CDKL3: variants seen among roughly 807,000 people sequenced by gnomAD.
CDKL3 encodes cyclin dependent kinase like 3.
A neutral mutation model predicts 69.3 loss-of-function variants in CDKL3; 65 were observed. The observed-to-expected ratio is 0.94, with a 90% CI of 0.77 to 1.15. The LOEUF (loss-of-function observed/expected upper bound fraction) is 1.15. Ranked by LOEUF, CDKL3 falls within the 50% of genes most tolerant of loss-of-function variation. CDKL3 has a pLI of 0.00. For synonymous variants in CDKL3, 202 were observed against 221.6 expected, an observed-to-expected ratio of 0.91 and a Z score of 0.79; for missense variants, 652 against 689.2, an observed-to-expected ratio of 0.95 and a Z score of 0.61.
intron 7 of CDKL3, among the ~76,000 whole-genome samples, chr5:134,310,364 G>T (rs1044198026): frequency 3.3e-5 from 5 of 151,680 alleles, no homozygotes; most frequent in Admixed American, 2.6e-4. Context: ...TTTGTTTTTT[G>T]TATTTTTAGT....
intron 3 of CDKL3, among the ~76,000 whole-genome samples, chr5:134,357,574 G>A (rs1290933455): frequency 6.6e-6 from 1 of 152,148 alleles, no homozygotes; most frequent in South Asian, 2.1e-4. Context: ...GGAAGTTGCA[G>A]TGAGCCGAGA....
chr5:134,326,552 T>TA (rs919135946), intron 4 of CDKL3, among the ~76,000 whole-genome samples: 10 of 151,436 alleles, frequency 6.6e-5, no homozygotes, highest in African/African-American at 1.2e-4. Context: ...AAGGAAGGAT[T>TA]AAAAAAAACA....
chr5:134,325,194 G>T (rs553608794), intron 4 of CDKL3, among the ~76,000 whole-genome samples: 1 of 152,232 alleles, frequency 6.6e-6, no homozygotes, highest in South Asian at 2.1e-4. Flanking sequence ...AAATAAAGAA[G>T]AGTGGGGAGG....
Position 134,359,973 on chromosome 5 carries a change from T to C in CDKL3, c.284A>G (p.His95Arg), listed in dbSNP as rs757513758. 6.3e-7 allele frequency: 1 copy of C among 1,578,752 alleles called. No individual in the cohort carries two copies. The highest frequency in any genetic ancestry group is 8.6e-7 in the Non-Finnish European group (1 of 1,160,524). Residue 95 changes from histidine (H) to arginine (R), a missense_variant, in exon 3 of 13, where the codon CAT becomes CGT. Physicochemically the swap from His to Arg is conservative, Grantham distance 29. Coordinates refer to ENST00000265334, the MANE Select transcript of CDKL3 (RefSeq NM_001113575.2). ...TVLDELQHYC[H>R]GLESKRLRKY... is the part of the protein sequence containing the mutation. Reference sequence around the variant, plus strand: ...TCTAAGTCGCTTACTCTCTAGTCCATGACAATAATGTTGTAACTCATCTAA... The same window carrying C: ...TCTAAGTCGCTTACTCTCTAGTCCACGACAATAATGTTGTAACTCATCTAA...
At chr5:134,289,781 T>C (rs1256431458) in intron 8 of CDKL3, among the ~76,000 whole-genome samples, 2 of 152,104 alleles carry the variant, frequency 1.3e-5, no homozygotes, top group Non-Finnish European at 2.9e-5. Flanking sequence ...CCTCACTCTC[T>C]TGAGCAAGAG....
intron 8 of CDKL3, among the ~76,000 whole-genome samples, chr5:134,287,704 G>T (rs2149403037): frequency 6.6e-6 from 1 of 152,234 alleles, no homozygotes; most frequent in South Asian, 2.1e-4. Context: ...AGCCAATGTA[G>T]TCCCTCACTT....
At chr5:134,294,597 A>T (rs1765267420), downstream of CDKL3, among the ~76,000 whole-genome samples, 3 of 152,120 alleles carry the variant, frequency 2.0e-5, no homozygotes, top group South Asian at 6.2e-4. Flanking sequence ...CTATATAGGA[A>T]GGCATCCTAT....
At chr5:134,344,407 T>A (rs910902358) in intron 4 of CDKL3, among the ~76,000 whole-genome samples, 5 of 152,286 alleles carry the variant, frequency 3.3e-5, no homozygotes, top group Middle Eastern at 3.4e-3. Flanking sequence ...GATAAGGAAT[T>A]TGTATCTAGG....
In CDKL3 at chr5:134,321,916, A is replaced by AG. The variant is rs1220098261; in HGVS notation, c.540-14dup. 2.9e-6 allele frequency: 4 copies of AG among 1,387,692 alleles called. No homozygotes were observed. The highest frequency in any genetic ancestry group is 1.4e-5 in the African/African-American group (1 of 69,470). The allele number at this position is 1,387,692 out of a possible 1,614,324, so 86.0% of individuals were successfully genotyped here. A position where few individuals can be genotyped will look rare whatever the true frequency, so the allele number is the denominator to read the frequency against. On this transcript the variant is annotated splice_polypyrimidine_tract_variant and intron_variant, in intron 4 of 12. Transcript: ENST00000265334. ...GATATCCACAGGTCTGAAACAGATC[A>AG]GGGAAAAAAAAATCACTTTTTCATG... is the stretch of plus-strand genomic sequence containing the variant.
At chr5:134,317,161 A>G (rs1392176695) in intron 6 of CDKL3, among the ~76,000 whole-genome samples, 1 of 152,094 alleles carries the variant, frequency 6.6e-6, no homozygotes, top group Non-Finnish European at 1.5e-5. Context: ...TTTGAGACGG[A>G]GTTTCACTCT....
At chr5:134,285,214 G>A (rs1764811315), downstream of CDKL3, among the ~76,000 whole-genome samples, 1 of 151,980 alleles carries the variant, frequency 6.6e-6, no homozygotes, top group Non-Finnish European at 1.5e-5. Flanking sequence ...GCCCCAGTAG[G>A]GACTCTGTGT....
chr5:134,295,711 T>C (rs1398021576), downstream of CDKL3, among the ~76,000 whole-genome samples: 1 of 152,190 alleles, frequency 6.6e-6, no homozygotes, highest in Non-Finnish European at 1.5e-5. Context: ...TTAGTAAATA[T>C]AAAATGAGGT....
chr5:134,370,294 G>T (rs766971010), upstream of CDKL3, among the ~76,000 whole-genome samples: 4 of 152,176 alleles, frequency 2.6e-5, no homozygotes, highest in African/African-American at 9.7e-5. Flanking sequence ...AGGGAAGGAC[G>T]GTGACCACAG....
chr5:134,306,956 T>C (rs911047005), intron 9 of CDKL3, among the ~76,000 whole-genome samples: 2 of 152,064 alleles, frequency 1.3e-5, no homozygotes, highest in African/African-American at 4.8e-5. Context: ...GGTTTTGCCA[T>C]GTTGGCCAGG....
chr5:134,325,744 G>C (rs1773981822), intron 4 of CDKL3, among the ~76,000 whole-genome samples: 1 of 151,634 alleles, frequency 6.6e-6, no homozygotes, highest in Non-Finnish European at 1.5e-5. Context: ...CAAGCTTTAA[G>C]TTAATTGTTA....
At chr5:134,326,548 G>A (rs1774240243) in intron 4 of CDKL3, among the ~76,000 whole-genome samples, 1 of 151,302 alleles carries the variant, frequency 6.6e-6, no homozygotes, top group Non-Finnish European at 1.5e-5. Context: ...GGGTAAGGAA[G>A]GATTAAAAAA....
At chr5:134,305,318 C>T (rs1242174266) in intron 10 of CDKL3, among the ~76,000 whole-genome samples, 1 of 151,940 alleles carries the variant, frequency 6.6e-6, no homozygotes, top group African/African-American at 2.4e-5. Context: ...TCCGTTATGT[C>T]GCCCAGGCTG....
intron 4 of CDKL3, among the ~76,000 whole-genome samples, chr5:134,341,742 T>C (rs1750549991): frequency 6.6e-6 from 1 of 152,226 alleles, no homozygotes; most frequent in Non-Finnish European, 1.5e-5. Context: ...TTCCCTTCTC[T>C]TTGCCAAACC....
Position 134,298,477 on chromosome 5 carries a change from AG to A in CDKL3, c.*173del. The A allele has an allele frequency of 2.2e-6, 3 of 1,389,466 alleles. No individual in the cohort carries two copies. The highest frequency in any genetic ancestry group is 2.8e-6 in the Non-Finnish European group (3 of 1,076,814). 86.1% of individuals were successfully genotyped at this position (1,389,466 alleles called of 1,614,324 possible). On this transcript the variant is annotated 3_prime_UTR_variant, in exon 13 of 13. Transcript: ENST00000265334. ...CCAAATCAAATTATCACATCAACAG[AG>A]TCTTAAAAGGGAAAAGAAAACAGTA...
Sources: gnomAD v4.1 joint callset for allele counts (sites outside exome capture counted in the v4.1 genomes callset) on GRCh38, gnomAD v4.1.1 for gene constraint, MANE v1.5 for transcripts, NCBI Gene and HGNC (gene_info 2026-07-23, HGNC 2026-07-21) for gene names.